FAM120A: variants seen among roughly 807,000 people sequenced by gnomAD.
FAM120A encodes family with sequence similarity 120 member A.
Under a neutral mutation model 109.7 loss-of-function variants are expected in FAM120A, and 15 were observed. That is an observed-to-expected ratio of 0.14 (90% CI 0.09 to 0.21). FAM120A has a LOEUF of 0.21. Ranked by LOEUF, FAM120A falls within the 10% of genes least tolerant of loss-of-function variation. The pLI is 1.00. For synonymous variants in FAM120A, 493 were observed against 572.8 expected, an observed-to-expected ratio of 0.86 and a Z score of 1.99; for missense variants, 899 against 1,439.3, an observed-to-expected ratio of 0.62 and a Z score of 6.07.
At chr9:93,513,208 G>A (rs567019995) in intron 5 of FAM120A, among the ~76,000 whole-genome samples, 3 of 152,330 alleles carry the variant, frequency 2.0e-5, no homozygotes, top group East Asian at 3.9e-4. Context: ...AGAATCACCT[G>A]TGAACAGTTT....
At chr9:93,462,069 A>G (rs1232052131) in intron 1 of FAM120A, among the ~76,000 whole-genome samples, 3 of 152,224 alleles carry the variant, frequency 2.0e-5, no homozygotes, top group Non-Finnish European at 1.5e-5. Flanking sequence ...AAACTATTAC[A>G]TACATCCTAA....
At chr9:93,517,079 T>G (rs1860631412) in intron 7 of FAM120A, among the ~76,000 whole-genome samples, 1 of 152,162 alleles carries the variant, frequency 6.6e-6, no homozygotes, top group South Asian at 2.1e-4. Context: ...AGTTCTTACC[T>G]TGTGTGTCAC....
chr9:93,537,056 G>A (rs764334305), intron 10 of FAM120A, among the ~76,000 whole-genome samples: 8 of 152,344 alleles, frequency 5.3e-5, no homozygotes, highest in Middle Eastern at 3.4e-3. Context: ...GACCTTTTCT[G>A]TTGATGCTGG....
At chr9:93,496,339 G>A (rs764102776) in intron 3 of FAM120A, among the ~76,000 whole-genome samples, 1 of 152,220 alleles carries the variant, frequency 6.6e-6, no homozygotes, top group Non-Finnish European at 1.5e-5. Flanking sequence ...TAGCCCAGAT[G>A]CATCAGAGGA....
intron 3 of FAM120A, among the ~76,000 whole-genome samples, chr9:93,497,031 T>C (rs1220709103): frequency 6.6e-6 from 1 of 151,708 alleles, no homozygotes; most frequent in Non-Finnish European, 1.5e-5. Context: ...TGGGCTCTAA[T>C]CTAAAGATTC....
At chr9:93,453,708 C>T (rs115871430) in intron 1 of FAM120A, 16,773 of 875,262 alleles carry the variant, frequency 0.019, 190 homozygotes, top group Middle Eastern at 0.028. Flanking sequence ...AGCTGCCATT[C>T]CTCAGGGAAG....
intron 5 of FAM120A, among the ~76,000 whole-genome samples, chr9:93,505,188 G>A (rs927370172): frequency 1.3e-5 from 2 of 150,498 alleles, no homozygotes; most frequent in Admixed American, 6.7e-5. Flanking sequence ...AGCTTCCCGA[G>A]TAGCTGGGAC....
In FAM120A at chr9:93,452,892, T is replaced by C; in HGVS notation, c.474+503T>C. 6.9e-7 allele frequency: 1 copy of C among 1,442,636 alleles called. No individual in the cohort carries two copies. The highest frequency in any genetic ancestry group is 9.0e-7 in the Non-Finnish European group (1 of 1,106,214). 89.4% of individuals were successfully genotyped at this position (1,442,636 alleles called of 1,614,324 possible). On this transcript the variant is annotated intron_variant, in intron 1 of 17. Transcript: ENST00000277165. The surrounding 1 kb of genome is among the most constrained non-coding windows in gnomAD (Gnocchi z 7.0). ...ATATCAGTGCTGCTGCCGCCGCCCT[T>C]GCCAATGTTGTTAGCCCGGTGACAG...
intron 11 of FAM120A, among the ~76,000 whole-genome samples, chr9:93,546,745 G>A (rs372575841): frequency 8.5e-5 from 13 of 152,340 alleles, no homozygotes; most frequent in African/African-American, 2.4e-4. Context: ...GAATGGGCAC[G>A]GCCATGCTCC....
chr9:93,477,029 A>G (rs936896679), intron 3 of FAM120A, among the ~76,000 whole-genome samples: 3 of 152,170 alleles, frequency 2.0e-5, no homozygotes, highest in African/African-American at 7.2e-5. Context: ...ATCATTTGTC[A>G]GTTCAAGTGC....
chr9:93,480,643 A>G (rs1858758773), intron 3 of FAM120A, among the ~76,000 whole-genome samples: 2 of 151,860 alleles, frequency 1.3e-5, no homozygotes, highest in South Asian at 4.1e-4. Flanking sequence ...ATGCCTCCCA[A>G]ACAATGGGGA....
intron 9 of FAM120A, among the ~76,000 whole-genome samples, chr9:93,531,718 T>C (rs1861337662): frequency 6.6e-6 from 1 of 152,244 alleles, no homozygotes; most frequent in Non-Finnish European, 1.5e-5. Flanking sequence ...ATTTGACCAT[T>C]ATATTTTCAG....
intron 13 of FAM120A, 132 bp from the exon 14 acceptor site, chr9:93,557,695 T>C (rs1862334780): frequency 1.1e-6 from 1 of 891,306 alleles, no homozygotes; most frequent in Non-Finnish European, 1.7e-6. Context: ...GTAGGAGAAT[T>C]TGCAGACATA....
At chr9:93,488,447 C>T (rs1859166033) in intron 3 of FAM120A, among the ~76,000 whole-genome samples, 1 of 151,864 alleles carries the variant, frequency 6.6e-6, no homozygotes, top group Non-Finnish European at 1.5e-5. Flanking sequence ...TTTTTTCCTC[C>T]TCGCCTCTGT....
intron 10 of FAM120A, among the ~76,000 whole-genome samples, chr9:93,536,451 A>G (rs1861519750): frequency 6.6e-6 from 1 of 152,218 alleles, no homozygotes; most frequent in South Asian, 2.1e-4. Context: ...GCGCAGCTAT[A>G]TATTCCTGTT....
intron 1 of FAM120A, among the ~76,000 whole-genome samples, chr9:93,469,074 C>A (rs1858190219): frequency 6.6e-6 from 1 of 152,220 alleles, no homozygotes; most frequent in African/African-American, 2.4e-5. Flanking sequence ...GGATACTCTT[C>A]CTTGGAGGTC....
intron 13 of FAM120A, 52 bp downstream of exon 13, chr9:93,556,643 C>T (rs1366990603): frequency 5.4e-6 from 8 of 1,494,100 alleles, no homozygotes; most frequent in African/African-American, 1.4e-5. Flanking sequence ...ATAAAGCTCA[C>T]TGGTTAAATC....
chr9:93,538,230 A>C (rs942736787), intron 10 of FAM120A, among the ~76,000 whole-genome samples: 6 of 152,068 alleles, frequency 3.9e-5, no homozygotes, highest in Admixed American at 6.6e-5. Flanking sequence ...CTCCATCCTC[A>C]ACTATCAAAG....
chr9:93,529,571 C>A lies in FAM120A; in HGVS notation c.1725C>A (p.Val575=). ...TGATGTACCCCTACATCTTCCATGT[C>A]CTGACGAAGGTATTATCAAAGGGGC... The part of the protein sequence containing the change: ...KGLMYPYIFH[V]LTKGEIKIAV... Residue 575 remains valine, a synonymous_variant, in exon 9 of 18, where the codon GTC becomes GTA. Coordinates refer to ENST00000277165, the MANE Select transcript of FAM120A (RefSeq NM_014612.5). The A allele has an allele frequency of 6.2e-7, 1 of 1,614,196 alleles. No homozygotes were observed. Among genetic ancestry groups the A allele is most frequent in the South Asian group, 1.1e-5 (1 of 91,084 alleles).
Sources: allele counts gnomAD v4.1 joint callset (sites outside exome capture counted in the v4.1 genomes callset), GRCh38; gene constraint gnomAD v4.1.1; non-coding constraint Gnocchi (gnomAD v3.1); transcripts MANE v1.5; gene names NCBI Gene and HGNC (gene_info 2026-07-23, HGNC 2026-07-21).